The following MED15 variants were observed in gnomAD, a reference collection of about 807,000 sequenced individuals.
MED15 encodes mediator of RNA polymerase II transcription subunit 15.
MED15 carries 41 observed loss-of-function variants against 118.7 expected under a neutral mutation model. The observed-to-expected ratio is 0.35, with a 90% CI of 0.27 to 0.45. The LOEUF (loss-of-function observed/expected upper bound fraction) is 0.45. Among genes scored for constraint, MED15 ranks in the 20% least tolerant of loss-of-function variants. The pLI is 1.00. For missense variants in MED15, 740 were observed against 1,025.5 expected (o/e 0.72, Z 3.80); for synonymous variants, 436 against 413.9 (o/e 1.05, Z -0.65).
intron 5 of MED15, among the ~76,000 whole-genome samples, chr22:20,559,546 A>G (rs1017613508): frequency 2.6e-5 from 4 of 152,236 alleles, no homozygotes; most frequent in East Asian, 1.9e-4. Flanking sequence ...TCTGGCCCCA[A>G]CCAAGTTAGC....
At chr22:20,566,438 T>G in intron 6 of MED15, 29 bp from the exon 7 acceptor site, 1 of 1,607,542 alleles carries the variant, frequency 6.2e-7, no homozygotes, top group Non-Finnish European at 8.5e-7. Context: ...AGATGAGTGA[T>G]AACCGAGTGC....
intron 2 of MED15, among the ~76,000 whole-genome samples, chr22:20,537,900 A>C (rs1049458099): frequency 2.6e-5 from 4 of 152,198 alleles, no homozygotes; most frequent in African/African-American, 9.7e-5. Flanking sequence ...TACTATGGAC[A>C]CGTGTGACTG....
At chr22:20,558,852 T>C (rs1048427942) in intron 5 of MED15, among the ~76,000 whole-genome samples, 1 of 151,658 alleles carries the variant, frequency 6.6e-6, no homozygotes, top group African/African-American at 2.4e-5. Flanking sequence ...CACATTAAGG[T>C]CAAGCAATCA....
chr22:20,522,133 A>G (rs563996475), intron 1 of MED15: 1 of 152,238 alleles, frequency 6.6e-6, no homozygotes, highest in African/African-American at 2.4e-5. Context: ...TGTTGGCTAC[A>G]TGAAGGCAAC....
chr22:20,531,753 G>C (rs1048521456), intron 1 of MED15, among the ~76,000 whole-genome samples: 1 of 152,268 alleles, frequency 6.6e-6, no homozygotes, highest in African/African-American at 2.4e-5. Context: ...GGACGCCGTT[G>C]TCTCTGCTCT....
chr22:20,584,774 C>T (rs2057084515), intron 14 of MED15, 81 bp from the exon 15 acceptor site: 15 of 1,529,844 alleles, frequency 9.8e-6, no homozygotes, highest in Non-Finnish European at 1.3e-5. Flanking sequence ...CTGTGAGTGA[C>T]CATGGGCCTG....
Position 20,584,008 on chromosome 22 carries a change from G to A in MED15, c.1737-351G>A, listed in dbSNP as rs2057063930. 9.5e-6 allele frequency: 3 copies of A among 316,776 alleles called. No homozygotes were observed. The South Asian group carries it at 1.2e-4, about 13-fold the overall frequency. The allele number at this position is 316,776 out of a possible 1,614,324, so 19.6% of individuals were successfully genotyped here. ...TTCTGCTTGTCTGGATAGAATGCCA[G>A]TCACTATTGGGTGGTCCTCCAGGTC... On this transcript the variant is annotated intron_variant, in intron 13 of 17. Transcript: ENST00000263205.
rs577412270 is a variant in MED15 at position 20,560,333 on chromosome 22, C to T, written c.452-4117C>T. Among the ~76,000 whole-genome samples, 75 of 152,110 alleles carry T rather than the reference C, an allele frequency of 4.9e-4. 2 individuals carry two copies. Among genetic ancestry groups the T allele is most frequent in the Admixed American group, 4.5e-3 (69 of 15,274 alleles). On this transcript the variant is annotated intron_variant, in intron 5 of 17. Transcript: ENST00000263205. ...AGGCTGGAGTGCAGTGGTGCAATGT[C>T]GGCCCACTGCAACCTCGACCTCCCA...
chr22:20,578,007 C>G (rs2056872067), intron 9 of MED15, among the ~76,000 whole-genome samples: 1 of 152,150 alleles, frequency 6.6e-6, no homozygotes, highest in South Asian at 2.1e-4. Flanking sequence ...TCACTGCAAC[C>G]TCCACCTCCC....
At chr22:20,527,176 T>A (rs956487271) in intron 1 of MED15, among the ~76,000 whole-genome samples, 1 of 152,138 alleles carries the variant, frequency 6.6e-6, no homozygotes, top group Non-Finnish European at 1.5e-5. Flanking sequence ...GGAATCTCAC[T>A]CCCTACACTT....
At chr22:20,523,445 G>A (rs2054530362) in intron 1 of MED15, among the ~76,000 whole-genome samples, 1 of 152,050 alleles carries the variant, frequency 6.6e-6, no homozygotes, top group Non-Finnish European at 1.5e-5. Context: ...TTGAGAGTTA[G>A]CAACATATGG....
intron 1 of MED15, among the ~76,000 whole-genome samples, chr22:20,535,227 G>C (rs1200157732): frequency 2.6e-5 from 4 of 152,158 alleles, no homozygotes; most frequent in Non-Finnish European, 5.9e-5. Flanking sequence ...CAAAGTGCTG[G>C]GATTACAGAC....
intron 9 of MED15, among the ~76,000 whole-genome samples, chr22:20,579,284 G>A (rs1486255713): frequency 6.6e-6 from 1 of 152,174 alleles, no homozygotes; most frequent in African/African-American, 2.4e-5. Flanking sequence ...CCCAGGTGCT[G>A]GACTTGGACT....
intron 14 of MED15, 31 bp downstream of exon 14, chr22:20,584,456 A>T: frequency 1.2e-6 from 2 of 1,607,550 alleles, no homozygotes; most frequent in Non-Finnish European, 1.7e-6. Context: ...CCCTAGGGGA[A>T]CCAGGGCTCT....
intron 9 of MED15, among the ~76,000 whole-genome samples, chr22:20,579,756 G>A (rs2056923565): frequency 6.6e-6 from 1 of 152,080 alleles, no homozygotes; most frequent in Non-Finnish European, 1.5e-5. Context: ...TGTTTAGCGT[G>A]CCTGAGCTCC....
At chr22:20,549,016 G>A (rs1009495056) in intron 2 of MED15, among the ~76,000 whole-genome samples, 3 of 152,162 alleles carry the variant, frequency 2.0e-5, no homozygotes, top group Admixed American at 2.0e-4. Flanking sequence ...GCCCAGGCTG[G>A]TCTTAAACTC....
At position 20,575,140 on chromosome 22, in the gene MED15, G is replaced by A; in HGVS notation, c.1180G>A (p.Gly394Arg). Residue 394 changes from glycine (G) to arginine (R), a missense_variant, in exon 9 of 18, where the codon GGG (glycine) becomes AGG (arginine). By Grantham distance (125) the Gly-to-Arg change is moderately radical (BLOSUM62 -2). Around this residue, in one of 7 missense-constraint regions of MED15, gnomAD observed 384 missense variants for 506.3 expected, o/e 0.76. Coordinates refer to ENST00000263205, the MANE Select transcript of MED15 (RefSeq NM_001003891.3). ...QMITEALAQG[G>R]MHIRARFPPT... Reference sequence around the variant, plus strand: ...GATCACGGAAGCCTTGGCCCAAGGTGGGATGCACATAAGAGCCCGGTTCCC... The same window carrying A: ...GATCACGGAAGCCTTGGCCCAAGGTAGGATGCACATAAGAGCCCGGTTCCC... 1 of 1,614,180 alleles carries A rather than the reference G, an allele frequency of 6.2e-7. No individual in the cohort carries two copies.
At chr22:20,518,390 C>A (rs543060645) in intron 1 of MED15, among the ~76,000 whole-genome samples, 2 of 152,176 alleles carry the variant, frequency 1.3e-5, no homozygotes, top group African/African-American at 4.8e-5. Flanking sequence ...CATGTTGGCA[C>A]GAGAGCTTTG....
chr22:20,552,642 C>A, intron 3 of MED15: 1 of 349,204 alleles, frequency 2.9e-6, no homozygotes, highest in South Asian at 2.2e-5. Flanking sequence ...AGAAGTTCTC[C>A]GCTGGGCACT....
Sources: allele counts gnomAD v4.1 joint callset (sites outside exome capture counted in the v4.1 genomes callset), GRCh38; gene constraint gnomAD v4.1.1; regional missense constraint gnomAD v4.1.1; transcripts MANE v1.5; gene names NCBI Gene and HGNC (gene_info 2026-07-23, HGNC 2026-07-21).